Variants in DVL3 observed in about 807,000 individuals in gnomAD.
DVL3 encodes segment polarity protein dishevelled homolog DVL-3.
In DVL3, 27 loss-of-function variants were observed where a neutral mutation model predicts 67.4. That is an observed-to-expected ratio of 0.40 (90% CI 0.30 to 0.55). The LOEUF is 0.55. Among genes scored for constraint, DVL3 ranks in the 20% least tolerant of loss-of-function variants. The probability of loss-of-function intolerance (pLI) is 0.46; values close to 1 mark genes in which losing one functional copy is unlikely to be tolerated. For synonymous variants in DVL3, 369 were observed against 396.8 expected (o/e 0.93, Z 0.83); for missense variants, 819 against 1,021.5 (o/e 0.80, Z 2.70).
chr3:184,170,999 T>G lies in DVL3; in HGVS notation c.*244T>G. The G allele has an allele frequency of 7.6e-6, 11 of 1,447,872 alleles. No individual in the cohort carries two copies. The highest frequency in any genetic ancestry group is 1.4e-5 in the African/African-American group (1 of 70,412). The allele number at this position is 1,447,872 out of a possible 1,614,324, so 89.7% of individuals were successfully genotyped here. A position where few individuals can be genotyped will look rare whatever the true frequency, so the allele number is the denominator to read the frequency against. The stretch of plus-strand genomic sequence containing the variant: ...CTGCCCACTAATCCCTGCGCAGGAC[T>G]TCCCAGGACCCCTTTTGTCTCTGGG... On this transcript the variant is annotated 3_prime_UTR_variant, in exon 15 of 15. Coordinates refer to ENST00000313143, the MANE Select transcript of DVL3 (RefSeq NM_004423.4). This position sits in a 1 kb window ranked among gnomAD's most constrained non-coding sequence, Gnocchi z 6.5.
rs1295736687 is a variant in DVL3, at chr3:184,167,885, G to T, written c.1331-13G>T. On this transcript the variant is annotated splice_polypyrimidine_tract_variant and intron_variant, in intron 12 of 14. Coordinates refer to ENST00000313143, the MANE Select transcript of DVL3 (RefSeq NM_004423.4). The surrounding 1 kb of genome is among the most constrained non-coding windows in gnomAD (Gnocchi z 4.6). Reference sequence around the variant, plus strand: ...AGATGGGCCTCCCCATCAACTGGCAGCCTTGTCCCCAGGCTCAGATGTGGT... The same window carrying T: ...AGATGGGCCTCCCCATCAACTGGCATCCTTGTCCCCAGGCTCAGATGTGGT... The T allele has an allele frequency of 6.2e-7, 1 of 1,614,246 alleles. No individual in the cohort carries two copies. The highest frequency in any genetic ancestry group is 8.5e-7 in the Non-Finnish European group (1 of 1,180,038).
Position 184,165,486 on chromosome 3 carries a change from A to G in DVL3, c.758A>G (p.Asn253Ser), listed in dbSNP as rs767892896. ...CTCAACATCATCACGGTCACTCTCA[A>G]CATGGGTGAGTCTGAGGAAACAGCA... ...MSLNIITVTL[N>S]MEKYNFLGIS... The change falls in exon 7 of 15, where the codon AAC (asparagine) becomes AGC (serine). Residue 253 changes from asparagine (N) to serine (S), a missense_variant. Coordinates refer to ENST00000313143, the MANE Select transcript of DVL3 (RefSeq NM_004423.4). This position sits in a 1 kb window ranked among gnomAD's most constrained non-coding sequence, Gnocchi z 4.1. 188 of 1,613,754 alleles carry G rather than the reference A, an allele frequency of 1.2e-4. No homozygotes were observed. The highest frequency in any genetic ancestry group is 3.3e-4 in the Middle Eastern group (2 of 6,080).
intron 1 of DVL3, among the ~76,000 whole-genome samples, chr3:184,161,221 G>A (rs1560116571): frequency 6.6e-6 from 1 of 152,216 alleles, no homozygotes; most frequent in Non-Finnish European, 1.5e-5. Flanking sequence ...GAGGTCAGGA[G>A]TTCAAGACCA....
In DVL3 at chr3:184,165,717, G is replaced by C. The variant is rs908917764; in HGVS notation, c.763+226G>C. Among the ~76,000 whole-genome samples the C allele has an allele frequency of 2.6e-5, 4 of 152,184 alleles. No homozygotes were observed. Among genetic ancestry groups the C allele is most frequent in the African/African-American group, 7.2e-5 (3 of 41,446 alleles). On this transcript the variant is annotated intron_variant, in intron 7 of 14. Transcript: ENST00000313143. This position sits in a 1 kb window ranked among gnomAD's most constrained non-coding sequence, Gnocchi z 4.1. ...AAATGGTATCAGGGAAGGCTTCCTG[G>C]AGGAAGTGATTTCTGAGTGCCCACT... is the stretch of plus-strand genomic sequence containing the variant.
In DVL3 at chr3:184,164,325, C is replaced by T. The variant is rs781210884; in HGVS notation, c.290C>T (p.Ser97Leu). ...GCCCCCTTCTGTGCTGATAACCCAT[C>T]GGAGCTGCCACCACCTATGGAGCGC... is the stretch of plus-strand genomic sequence containing the variant. ...DPAPFCADNP[S>L]ELPPPMERTG... The change falls in exon 3 of 15, where the codon TCG (serine) becomes TTG (leucine). Residue 97 changes from serine to leucine, a missense_variant. Around this residue, in one of 3 missense-constraint regions of DVL3, gnomAD observed 385 missense variants for 486.8 expected, o/e 0.79. Coordinates refer to ENST00000313143, the MANE Select transcript of DVL3 (RefSeq NM_004423.4). This position sits in a 1 kb window ranked among gnomAD's most constrained non-coding sequence, Gnocchi z 5.3. 14 of 1,613,996 alleles carry T rather than the reference C, an allele frequency of 8.7e-6. No homozygotes were observed. The highest frequency in any genetic ancestry group is 2.2e-5 in the East Asian group (1 of 44,886).
intron 1 of DVL3, among the ~76,000 whole-genome samples, chr3:184,161,192 C>T (rs1025365510): frequency 2.6e-5 from 4 of 152,122 alleles, no homozygotes; most frequent in Non-Finnish European, 5.9e-5. Flanking sequence ...TTGGGGAGGC[C>T]GAGGTGGGCG....
At chr3:184,160,538 G>C (rs370927764) in intron 1 of DVL3, among the ~76,000 whole-genome samples, 168 of 151,296 alleles carry the variant, frequency 1.1e-3, no homozygotes, top group African/African-American at 3.8e-3. Flanking sequence ...GGGTATGAGT[G>C]TGTGTGTGTG....
At position 184,164,545 on chromosome 3, in the gene DVL3, A is replaced by T; in HGVS notation, c.407A>T (p.Asp136Val). 1 of 1,580,564 alleles carries T rather than the reference A, an allele frequency of 6.3e-7. No homozygotes were observed. Among genetic ancestry groups the T allele is most frequent in the South Asian group, 1.2e-5 (1 of 85,942 alleles). The change falls in exon 4 of 15, where the codon GAC becomes GTC. Residue 136 changes from aspartate (D) to valine (V), a missense_variant. This residue lies in a region of DVL3 where 385 missense variants were observed against 486.8 expected (regional missense o/e 0.79). Coordinates refer to ENST00000313143, the MANE Select transcript of DVL3 (RefSeq NM_004423.4). This position sits in a 1 kb window ranked among gnomAD's most constrained non-coding sequence, Gnocchi z 5.3. ...QENLDNDTET[D>V]SLVSAQRERP... is the part of the protein sequence containing the mutation. The stretch of plus-strand genomic sequence containing the variant: ...AACCTGGACAATGACACAGAGACGG[A>T]CTCTTTGGTGTCTGCCCAGCGAGAG...
In DVL3 at chr3:184,167,701, T is replaced by C; in HGVS notation, c.1320T>C (p.Asn440=). ...DRMWLKITIP[N]AFIGSDVVDW... is the part of the protein sequence containing the mutation. ...TGTGGCTCAAGATTACCATCCCTAA[T>C]GCTTTCATCGGTGAGAGAGCCCCAT... Residue 440 remains asparagine (N), a synonymous_variant, in exon 12 of 15, where the codon AAT becomes AAC. Coordinates refer to ENST00000313143, the MANE Select transcript of DVL3 (RefSeq NM_004423.4). The surrounding 1 kb of genome is among the most constrained non-coding windows in gnomAD (Gnocchi z 4.6). 2 of 1,604,352 alleles carry C rather than the reference T, an allele frequency of 1.2e-6. No homozygotes were observed. The highest frequency in any genetic ancestry group is 8.5e-7 in the Non-Finnish European group (1 of 1,175,154).
rs1714542273 is a variant in DVL3 at position 184,165,313 on chromosome 3, G to T, written c.693+107G>T. The stretch of plus-strand genomic sequence containing the variant: ...GATCCCATCCCCCTAGTGCAGTGTT[G>T]AGAACCTTGGGGCTGGGGGCTGCAC... On this transcript the variant is annotated intron_variant, in intron 6 of 14. Transcript: ENST00000313143. The surrounding 1 kb of genome is among the most constrained non-coding windows in gnomAD (Gnocchi z 4.1). The T allele has an allele frequency of 1.3e-6, 2 of 1,542,322 alleles. No individual in the cohort carries two copies. The highest frequency in any genetic ancestry group is 2.7e-5 in the African/African-American group (2 of 73,618).
rs1013049477 is a variant in DVL3, at chr3:184,166,050, C to T, written c.764-76C>T. On this transcript the variant is annotated intron_variant, in intron 7 of 14. Coordinates refer to ENST00000313143, the MANE Select transcript of DVL3 (RefSeq NM_004423.4). This position sits in a 1 kb window ranked among gnomAD's most constrained non-coding sequence, Gnocchi z 6.7. ...GCAAATGTCAGTTCAGTTCCTGTCC[C>T]TTTCCATTTTCTAATGGGCTGGGAA... 81 of 1,558,356 alleles carry T rather than the reference C, an allele frequency of 5.2e-5. No homozygotes were observed. The Middle Eastern group carries it at 8.5e-4, about 16-fold the overall frequency.
chr3:184,169,555 G>T (rs1343064785), intron 13 of DVL3, among the ~76,000 whole-genome samples: 1 of 152,170 alleles, frequency 6.6e-6, no homozygotes, highest in Non-Finnish European at 1.5e-5. Context: ...AAAAAAATTA[G>T]CCAGGTGTGG....
At chr3:184,169,158 CACTT>C (rs1714708821) in intron 13 of DVL3, among the ~76,000 whole-genome samples, 2 of 152,170 alleles carry the variant, frequency 1.3e-5, no homozygotes, top group South Asian at 4.1e-4. Context: ...GGGTGGGTAA[CACTT>C]TACCTAAATT....
intron 13 of DVL3, among the ~76,000 whole-genome samples, 170 bp from the exon 14 acceptor site, chr3:184,169,836 G>A (rs1426257785): frequency 6.6e-6 from 1 of 152,190 alleles, no homozygotes; most frequent in Non-Finnish European, 1.5e-5. Flanking sequence ...CCCCGGGGCT[G>A]GCTCTGGTGG....
Position 184,165,569 on chromosome 3 carries a change from A to G in DVL3, c.763+78A>G. The G allele has an allele frequency of 7.7e-7, 1 of 1,303,846 alleles. No homozygotes were observed. The highest frequency in any genetic ancestry group is 1.1e-6 in the Non-Finnish European group (1 of 902,246). 80.8% of individuals were successfully genotyped at this position (1,303,846 alleles called of 1,614,324 possible). A position where few individuals can be genotyped will look rare whatever the true frequency, so the allele number is the denominator to read the frequency against. ...GCAGACTTGAGTTCAGAGAGCGTAG[A>G]ATATGTTCCCTGCCCTCAAGGAGCT... On this transcript the variant is annotated intron_variant, in intron 7 of 14. Transcript: ENST00000313143. This position sits in a 1 kb window ranked among gnomAD's most constrained non-coding sequence, Gnocchi z 4.1.
chr3:184,169,491 T>A (rs1714724913), intron 13 of DVL3, among the ~76,000 whole-genome samples: 1 of 151,994 alleles, frequency 6.6e-6, no homozygotes, highest in Admixed American at 6.5e-5. Context: ...GGTTAGGAGT[T>A]GGAGACCAGC....
rs1167113982 is a variant in DVL3 at position 184,170,660 on chromosome 3, G to C, written c.2056G>C (p.Asp686His). 1 of 1,611,904 alleles carries C rather than the reference G, an allele frequency of 6.2e-7. No individual in the cohort carries two copies. The highest frequency in any genetic ancestry group is 2.2e-5 in the East Asian group (1 of 44,688). ...MGPPGAPPGR[D>H]LASVPPELTA... is the part of the protein sequence containing the mutation. ...GCCCCCAGGAGCCCCTCCGGGCCGCGACCTGGCCTCAGTGCCCCCGGAACT... is the reference window on the plus strand; with the variant it reads ...GCCCCCAGGAGCCCCTCCGGGCCGCCACCTGGCCTCAGTGCCCCCGGAACT... The change falls in exon 15 of 15, where the codon GAC (aspartate) becomes CAC (histidine). Residue 686 changes from aspartate (D) to histidine (H), a missense_variant. Physicochemically the swap from Asp to His is moderately conservative, Grantham distance 81 (BLOSUM62 -1). This residue lies in a region of DVL3 where 324 missense variants were observed against 331.3 expected (regional missense o/e 0.98). Transcript: ENST00000313143. This position sits in a 1 kb window ranked among gnomAD's most constrained non-coding sequence, Gnocchi z 6.5.
At chr3:184,162,498 A>G (rs1714415399) in intron 1 of DVL3, among the ~76,000 whole-genome samples, 1 of 151,882 alleles carries the variant, frequency 6.6e-6, no homozygotes, top group Non-Finnish European at 1.5e-5. Context: ...GTTAATTATC[A>G]TAATGGCATG....
rs1047913315 is a variant in DVL3, at chr3:184,167,313, C to T, written c.1199-267C>T. On this transcript the variant is annotated intron_variant, in intron 11 of 14. Transcript: ENST00000313143. This position sits in a 1 kb window ranked among gnomAD's most constrained non-coding sequence, Gnocchi z 4.6. ...TGGTGTAAAGTAAGCATTCAGTAAA[C>T]GGCAGCCATTTCGATTATCATCACA... Among the ~76,000 whole-genome samples the T allele has an allele frequency of 2.6e-5, 4 of 152,122 alleles. No individual in the cohort carries two copies. The highest frequency in any genetic ancestry group is 9.7e-5 in the African/African-American group (4 of 41,410).
Sources: gnomAD v4.1 joint callset for allele counts (sites outside exome capture counted in the v4.1 genomes callset) on GRCh38, gnomAD v4.1.1 for gene constraint, gnomAD v4.1.1 regional missense constraint, Gnocchi (gnomAD v3.1) non-coding constraint, MANE v1.5 for transcripts, NCBI Gene and HGNC (gene_info 2026-07-23, HGNC 2026-07-21) for gene names.